RTN4IP1: variants seen among roughly 807,000 people sequenced by gnomAD.
RTN4IP1 encodes the protein reticulon 4 interacting protein 1.
RTN4IP1 carries 32 observed loss-of-function variants against 46.6 expected under a neutral mutation model. The ratio of observed to expected loss-of-function variants is 0.69; its 90% CI spans 0.52 to 0.92. The LOEUF (loss-of-function observed/expected upper bound fraction) is 0.92. RTN4IP1 is among the 40% of genes least tolerant of loss of function. The probability of loss-of-function intolerance (pLI) is 0.00; values close to 1 mark genes in which losing one functional copy is unlikely to be tolerated. For missense variants in RTN4IP1, 424 were observed against 485.8 expected (o/e 0.87, Z 1.20); for synonymous variants, 167 against 161.8 (o/e 1.03, Z -0.24).
In RTN4IP1 at chr6:106,575,853, G is replaced by A. The variant is rs150093189; in HGVS notation, c.1084-3750C>T. Reference sequence around the variant, plus strand: ...AATGGATGTAATCTGGGAAGTCACAGTCTATTCCACTTCTTTTCCTAGACC... The same window carrying A: ...AATGGATGTAATCTGGGAAGTCACAATCTATTCCACTTCTTTTCCTAGACC... On this transcript the variant is annotated intron_variant, in intron 8 of 8. Transcript: ENST00000369063. Among the ~76,000 whole-genome samples, 142 of 152,366 alleles carry A rather than the reference G, an allele frequency of 9.3e-4. 2 individuals carry two copies. Among genetic ancestry groups the A allele is most frequent in the African/African-American group, 3.3e-3 (137 of 41,592 alleles).
intron 6 of RTN4IP1, among the ~76,000 whole-genome samples, chr6:106,589,278 G>GAGC: frequency 3.8e-5 from 1 of 26,036 alleles, no homozygotes; most frequent in Non-Finnish European, 8.0e-5. Flanking sequence ...GAAGAAGAAG[G>GAGC]AGAAGAAGAA....
intron 1 of RTN4IP1, 125 bp downstream of exon 1, chr6:106,628,623 G>A (rs1486173200): frequency 2.2e-6 from 2 of 895,296 alleles, no homozygotes; most frequent in Non-Finnish European, 3.3e-6. Flanking sequence ...TATTTGCAGA[G>A]GTATTGTTAA....
intron 4 of RTN4IP1, among the ~76,000 whole-genome samples, chr6:106,605,679 T>C (rs1388327749): frequency 6.6e-6 from 1 of 151,106 alleles, no homozygotes. Flanking sequence ...TAGCCAGGCA[T>C]GGTGGCAGGT....
intron 4 of RTN4IP1, among the ~76,000 whole-genome samples, chr6:106,611,422 C>T (rs1776222187): frequency 6.6e-6 from 1 of 152,140 alleles, no homozygotes; most frequent in African/African-American, 2.4e-5. Context: ...TCTATTAAAT[C>T]CTAATGACTT....
In RTN4IP1 at chr6:106,619,215, A is replaced by C; in HGVS notation, c.607T>G (p.Cys203Gly). The C allele has an allele frequency of 6.2e-7, 1 of 1,614,180 alleles. No individual in the cohort carries two copies. Among genetic ancestry groups the C allele is most frequent in the Non-Finnish European group, 8.5e-7 (1 of 1,180,024 alleles). The change falls in exon 4 of 9, where the codon TGC (cysteine) becomes GGC (glycine). Residue 203 changes from cysteine (C) to glycine (G), a missense_variant. By Grantham distance (159) the Cys-to-Gly change is radical. Coordinates refer to ENST00000369063, the MANE Select transcript of RTN4IP1 (RefSeq NM_032730.5). Reference protein sequence around the residue: ...NKVGGLNDKNCTGKRVLILGA... With the variant: ...NKVGGLNDKNGTGKRVLILGA... ...TGATACACTTACCGTTTTCCTGTGC[A>C]ATTCTTGTCATTCAGGCCACCAACT...
intron 4 of RTN4IP1, among the ~76,000 whole-genome samples, chr6:106,611,760 T>A (rs537893581): frequency 6.6e-6 from 1 of 152,370 alleles, no homozygotes; most frequent in East Asian, 1.9e-4. Flanking sequence ...CCTCTTCTTC[T>A]AAGCCTCTGT....
chr6:106,589,321 GGAA>G (rs1476278748), intron 6 of RTN4IP1, among the ~76,000 whole-genome samples: 1 of 142,498 alleles, frequency 7.0e-6, no homozygotes, highest in Non-Finnish European at 1.5e-5. Context: ...AGGAGGAAGA[GGAA>G]GAAGAGGAAG....
intron 1 of RTN4IP1, among the ~76,000 whole-genome samples, chr6:106,626,469 G>C (rs1225130654): frequency 6.6e-6 from 1 of 152,168 alleles, no homozygotes; most frequent in African/African-American, 2.4e-5. Flanking sequence ...ACTTCTATGT[G>C]GTTTGAACAA....
rs191869086 is a variant in RTN4IP1 at position 106,575,439 on chromosome 6, C to T, written c.1084-3336G>A. The stretch of plus-strand genomic sequence containing the variant: ...CACTTCTGTGAGAACGTAGGGACGA[C>T]GGGAACCTTAACCTCTCTGGATGTG... On this transcript the variant is annotated intron_variant, in intron 8 of 8. Coordinates refer to ENST00000369063, the MANE Select transcript of RTN4IP1 (RefSeq NM_032730.5). 1.7e-3 allele frequency among the ~76,000 whole-genome samples: 265 copies of T among 152,358 alleles called. 2 individuals are homozygous for T. The highest frequency in any genetic ancestry group is 6.0e-3 in the African/African-American group (250 of 41,580).
At chr6:106,577,742 G>T (rs147439299) in intron 8 of RTN4IP1, among the ~76,000 whole-genome samples, 55 of 152,124 alleles carry the variant, frequency 3.6e-4, no homozygotes, top group African/African-American at 1.2e-3. Context: ...GTAATCTCAG[G>T]GTCCTTATAA....
rs372723404 is a variant in RTN4IP1 at position 106,621,437 on chromosome 6, G to A, written c.483C>T (p.Val161=). The A allele has an allele frequency of 4.3e-5, 69 of 1,613,192 alleles. No individual in the cohort carries two copies. In the African/African-American group the frequency reaches 8.4e-4, roughly 20 times the overall value. ...GTTGGTAAGTTACCTCATTCCCACT[G>A]ACTACAACAAACTCTGAAAGAGTGC... ...KQGTLSEFVV[V]SGNEVSHKPK... is the part of the protein sequence containing the mutation. Residue 161 remains valine (V), a synonymous_variant, in exon 3 of 9, where the codon GTC becomes GTT. Coordinates refer to ENST00000369063, the MANE Select transcript of RTN4IP1 (RefSeq NM_032730.5).
chr6:106,575,136 G>T lies in RTN4IP1; in HGVS notation c.1084-3033C>A, dbSNP rs116381352. On this transcript the variant is annotated intron_variant, in intron 8 of 8. Transcript: ENST00000369063. ...AAGGGATCAGAGTTAAAATACAGAG[G>T]GGGGAAAGAAAGGTTACTCACAGTG... is the stretch of plus-strand genomic sequence containing the variant. Among the ~76,000 whole-genome samples the T allele has an allele frequency of 3.9e-3, 596 of 152,316 alleles. 5 individuals carry two copies. Among genetic ancestry groups the T allele is most frequent in the African/African-American group, 0.014 (573 of 41,578 alleles).
At chr6:106,582,920 T>G (rs932295527) in intron 8 of RTN4IP1, among the ~76,000 whole-genome samples, 4 of 152,172 alleles carry the variant, frequency 2.6e-5, no homozygotes, top group Non-Finnish European at 5.9e-5. Context: ...CTGTCTCAGA[T>G]GGACTATTTA....
chr6:106,627,651 G>A (rs138631358), intron 1 of RTN4IP1, among the ~76,000 whole-genome samples: 97 of 149,978 alleles, frequency 6.5e-4, no homozygotes, highest in African/African-American at 2.3e-3. Flanking sequence ...AAAGGAAAAC[G>A]GCATGCCCAA....
intron 1 of RTN4IP1, among the ~76,000 whole-genome samples, chr6:106,628,135 C>T (rs1471598652): frequency 4.0e-5 from 6 of 151,730 alleles, no homozygotes; most frequent in South Asian, 2.1e-4. Context: ...AAGCCTGTGA[C>T]GGATCTCAGA....
At position 106,622,930 on chromosome 6, in the gene RTN4IP1, G is replaced by T. The variant is rs943086407; in HGVS notation, c.314C>A (p.Pro105His). The T allele has an allele frequency of 1.9e-6, 3 of 1,614,146 alleles. No individual in the cohort carries two copies. Among genetic ancestry groups the T allele is most frequent in the Non-Finnish European group, 2.5e-6 (3 of 1,180,016 alleles). ...GATALNMKRD[P>H]LHVKIKGEEF... ...TTCTCCTTTGATTTTCACGTGTAAA[G>T]GATCACGCTTCATATTTAAAGCTGT... The change falls in exon 2 of 9, where the codon CCT becomes CAT. Residue 105 changes from proline (P) to histidine (H), a missense_variant. Physicochemically the swap from Pro to His is moderately conservative, Grantham distance 77. Transcript: ENST00000369063.
At chr6:106,585,402 A>T (rs949743482) in intron 7 of RTN4IP1, among the ~76,000 whole-genome samples, 8 of 151,948 alleles carry the variant, frequency 5.3e-5, no homozygotes, top group African/African-American at 1.9e-4. Flanking sequence ...GGATCCAGTA[A>T]ATGACAATCA....
intron 4 of RTN4IP1, among the ~76,000 whole-genome samples, chr6:106,605,817 A>ACAC (rs1313029987): frequency 1.8e-4 from 3 of 16,504 alleles, no homozygotes; most frequent in Admixed American, 6.6e-4. Context: ...ACTCTGTCCC[A>ACAC]AAAAAAAAAA....
At chr6:106,629,823 A>G (rs559264194), upstream of RTN4IP1, 7 of 1,247,096 alleles carry the variant, frequency 5.6e-6, no homozygotes, top group African/African-American at 1.1e-4. Flanking sequence ...TTCCTCTAGA[A>G]CTGAGTGGGG....
Sources: allele counts gnomAD v4.1 joint callset (sites outside exome capture counted in the v4.1 genomes callset), GRCh38; gene constraint gnomAD v4.1.1; transcripts MANE v1.5; gene names NCBI Gene and HGNC (gene_info 2026-07-23, HGNC 2026-07-21).